AK5: variants seen among roughly 807,000 people sequenced by gnomAD.
The protein encoded by AK5 is adenylate kinase 5.
AK5 carries 27 observed loss-of-function variants against 69.5 expected under a neutral mutation model. The observed-to-expected ratio is 0.39, with a 90% CI of 0.29 to 0.54. The LOEUF is 0.54. Ranked by LOEUF, AK5 falls within the 20% of genes least tolerant of loss-of-function variation. The pLI is 0.71. For missense variants in AK5, 531 were observed against 700.4 expected, an observed-to-expected ratio of 0.76 and a Z score of 2.73; for synonymous variants, 260 against 244.4, an observed-to-expected ratio of 1.06 and a Z score of -0.60.
At chr1:77,328,239 G>C (rs150796628) in intron 5 of AK5, among the ~76,000 whole-genome samples, 1 of 152,116 alleles carries the variant, frequency 6.6e-6, no homozygotes, top group Non-Finnish European at 1.5e-5. Context: ...AGTGGCTCAC[G>C]CCTGTAATTG....
At chr1:77,303,590 C>G (rs75958140) in intron 5 of AK5, among the ~76,000 whole-genome samples, 6 of 152,314 alleles carry the variant, frequency 3.9e-5, no homozygotes, top group Non-Finnish European at 8.8e-5. Context: ...GTCGCCACTG[C>G]GAAACTCCAC....
intron 10 of AK5, among the ~76,000 whole-genome samples, chr1:77,494,907 G>A (rs368859722): frequency 5.9e-5 from 9 of 151,402 alleles, no homozygotes; most frequent in South Asian, 4.2e-4. Context: ...TCAGCCTCCC[G>A]GGTAGCTGGG....
intron 10 of AK5, among the ~76,000 whole-genome samples, chr1:77,514,488 T>C (rs72681702): frequency 6.6e-6 from 1 of 152,202 alleles, no homozygotes; most frequent in African/African-American, 2.4e-5. Flanking sequence ...ATATGAAAAT[T>C]TATGTTTCTA....
chr1:77,406,742 G>A (rs1000792786), intron 6 of AK5, among the ~76,000 whole-genome samples: 2 of 143,596 alleles, frequency 1.4e-5, no homozygotes, highest in Non-Finnish European at 3.0e-5. Flanking sequence ...AGAGAAAACA[G>A]TACCTGGTGC....
intron 1 of AK5, chr1:77,282,961 AC>A (rs1487416956): frequency 6.1e-5 from 60 of 985,206 alleles, no homozygotes; most frequent in Non-Finnish European, 7.0e-5. Context: ...CGCTGAATGA[AC>A]TCCTGAGCAC....
At chr1:77,319,641 T>G (rs573191280) in intron 5 of AK5, among the ~76,000 whole-genome samples, 1 of 152,218 alleles carries the variant, frequency 6.6e-6, no homozygotes, top group African/African-American at 2.4e-5. Context: ...TGTATTTCCT[T>G]AATTTCCAGG....
rs66682700 is a variant in AK5 at position 77,355,868 on chromosome 1, TACACACACACACACAC to T, written c.891+15322_891+15337del. 2.4e-4 allele frequency among the ~76,000 whole-genome samples: 35 copies of T among 146,246 alleles called. No homozygotes were observed. In the East Asian group the frequency reaches 4.9e-3, roughly 20 times the overall value. On this transcript the variant is annotated intron_variant, in intron 6 of 13. Transcript: ENST00000354567. ...GAATTTTTTGATGACCCTCATTAAA[TACACACACACACACAC>T]ACACACACACACACACACACATATA...
In AK5 at chr1:77,311,382, A is replaced by G. The variant is rs552912265; in HGVS notation, c.699+13435A>G. Among the ~76,000 whole-genome samples the G allele has an allele frequency of 4.3e-4, 66 of 152,282 alleles. 2 individuals carry two copies. Among genetic ancestry groups the G allele is most frequent in the African/African-American group, 1.4e-3 (60 of 41,508 alleles). ...CATATAAATCAATAGAGTTAATTAT[A>G]GCATCAGCGAAGTATAGTAGTTTGA... On this transcript the variant is annotated intron_variant, in intron 5 of 13. Transcript: ENST00000354567.
At chr1:77,307,394 T>A (rs1188590530) in intron 5 of AK5, among the ~76,000 whole-genome samples, 1 of 151,716 alleles carries the variant, frequency 6.6e-6, no homozygotes, top group Non-Finnish European at 1.5e-5. Context: ...TAATTATATA[T>A]CACATATATT....
chr1:77,461,564 G>T (rs1407744476), intron 8 of AK5, among the ~76,000 whole-genome samples: 1 of 151,778 alleles, frequency 6.6e-6, no homozygotes, highest in Admixed American at 6.6e-5. Flanking sequence ...GAGGTCAAGA[G>T]ATCAAGACCA....
chr1:77,354,721 C>G (rs111229811), intron 6 of AK5, among the ~76,000 whole-genome samples: 2,496 of 152,300 alleles, frequency 0.016, 68 homozygotes, highest in African/African-American at 0.057. Flanking sequence ...GTGGCCTAGT[C>G]TCTAACCATT....
At chr1:77,427,261 C>A (rs1392509799) in intron 8 of AK5, among the ~76,000 whole-genome samples, 1 of 151,896 alleles carries the variant, frequency 6.6e-6, no homozygotes, top group Non-Finnish European at 1.5e-5. Context: ...TCTAGCCAGG[C>A]TAACCAAGGA....
In AK5 at chr1:77,481,149, C is replaced by T. The variant is rs571619546; in HGVS notation, c.1060-2168C>T. On this transcript the variant is annotated intron_variant, in intron 8 of 13. Transcript: ENST00000354567. ...AGGGGATGCCCCTACACTGATGAGACCAAATGCATAGCAGCCATGCAAAGT... is the reference window on the plus strand; with the variant it reads ...AGGGGATGCCCCTACACTGATGAGATCAAATGCATAGCAGCCATGCAAAGT... Among the ~76,000 whole-genome samples, 21 of 152,334 alleles carry T rather than the reference C, an allele frequency of 1.4e-4. No homozygotes were observed. The South Asian group carries it at 3.9e-3, about 29-fold the overall frequency.
chr1:77,462,598 C>T (rs1452771646), intron 8 of AK5, among the ~76,000 whole-genome samples: 1 of 151,990 alleles, frequency 6.6e-6, no homozygotes, highest in Non-Finnish European at 1.5e-5. Flanking sequence ...TATTTAGTTA[C>T]CTGTCTATTC....
At chr1:77,415,927 G>A (rs1398304697) in intron 7 of AK5, among the ~76,000 whole-genome samples, 1 of 152,180 alleles carries the variant, frequency 6.6e-6, no homozygotes. Flanking sequence ...TTTCTAAAAT[G>A]AGAAGTGGGA....
At chr1:77,478,330 G>A (rs1655068626) in intron 8 of AK5, among the ~76,000 whole-genome samples, 1 of 152,188 alleles carries the variant, frequency 6.6e-6, no homozygotes, top group Admixed American at 6.5e-5. Flanking sequence ...ACATGTTGTG[G>A]GAGGGATCTG....
At chr1:77,542,106 A>G (rs951938228) in intron 13 of AK5, among the ~76,000 whole-genome samples, 16 of 152,142 alleles carry the variant, frequency 1.1e-4, no homozygotes, top group Admixed American at 9.2e-4. Flanking sequence ...AAGCAGGCAG[A>G]TCACAAGGTC....
chr1:77,368,884 T>C (rs967071933), intron 6 of AK5, among the ~76,000 whole-genome samples: 2 of 152,152 alleles, frequency 1.3e-5, no homozygotes, highest in African/African-American at 4.8e-5. Flanking sequence ...TTAAAGGTGG[T>C]TATGTATCAC....
At chr1:77,336,207 G>A (rs769287333) in intron 5 of AK5, among the ~76,000 whole-genome samples, 5 of 150,266 alleles carry the variant, frequency 3.3e-5, no homozygotes, top group African/African-American at 7.3e-5. Context: ...TCAGCCTCCC[G>A]AATAGCTGGG....
Sources: gnomAD v4.1 joint callset for allele counts (sites outside exome capture counted in the v4.1 genomes callset) on GRCh38, gnomAD v4.1.1 for gene constraint, MANE v1.5 for transcripts, NCBI Gene and HGNC (gene_info 2026-07-23, HGNC 2026-07-21) for gene names.